CDH4: variants seen among roughly 807,000 people sequenced by gnomAD.
The protein encoded by CDH4 is cadherin-4.
In CDH4, 33 loss-of-function variants were observed where a neutral mutation model predicts 86.0. That is an observed-to-expected ratio of 0.38 (90% CI 0.29 to 0.51). The LOEUF is 0.51. Ranked by LOEUF, CDH4 falls within the 20% of genes least tolerant of loss-of-function variation. CDH4 has a pLI of 0.86. For synonymous variants in CDH4, 555 were observed against 549.4 expected (o/e 1.01, Z -0.14); for missense variants, 1,114 against 1,307.4 (o/e 0.85, Z 2.28).
At chr20:61,402,135 C>T (rs1384225411) in intron 2 of CDH4, among the ~76,000 whole-genome samples, 2 of 152,170 alleles carry the variant, frequency 1.3e-5, no homozygotes, top group African/African-American at 2.4e-5. Flanking sequence ...AAAGCATATA[C>T]AGCCATCTCT....
chr20:61,505,490 G>C (rs1397272688), intron 2 of CDH4, among the ~76,000 whole-genome samples: 1 of 152,218 alleles, frequency 6.6e-6, no homozygotes, highest in Non-Finnish European at 1.5e-5. Flanking sequence ...TAGCACTGCA[G>C]ATGGAGGAGG....
chr20:61,877,637 C>T (rs73145116), intron 7 of CDH4, among the ~76,000 whole-genome samples: 16,489 of 152,150 alleles, frequency 0.11, 1,108 homozygotes, highest in South Asian at 0.17. Context: ...CTTCCTCTTC[C>T]AGGGCTCGTC....
At chr20:61,514,798 T>A (rs1419493434) in intron 2 of CDH4, among the ~76,000 whole-genome samples, 1 of 152,240 alleles carries the variant, frequency 6.6e-6, no homozygotes, top group Non-Finnish European at 1.5e-5. Flanking sequence ...GGCCTCGATA[T>A]TCATTGTCTC....
In CDH4 at chr20:61,357,064, C is replaced by T. The variant is rs550914836; in HGVS notation, c.169+102127C>T. Among the ~76,000 whole-genome samples, 27 of 152,196 alleles carry T rather than the reference C, an allele frequency of 1.8e-4. No individual in the cohort carries two copies. The South Asian group carries it at 1.9e-3, about 11-fold the overall frequency. ...TGACCTTCTCCCCCTCACTGAGATGCGGGGTGCCAGGTTAACATGTGCCCC... is the reference window on the plus strand; with the variant it reads ...TGACCTTCTCCCCCTCACTGAGATGTGGGGTGCCAGGTTAACATGTGCCCC... On this transcript the variant is annotated intron_variant, in intron 2 of 15. Transcript: ENST00000614565.
At position 61,929,774 on chromosome 20, in the gene CDH4, C is replaced by T. The variant is rs779589616; in HGVS notation, c.2171C>T (p.Ala724Val). 1.9e-6 allele frequency: 3 copies of T among 1,614,054 alleles called. No homozygotes were observed. The highest frequency in any genetic ancestry group is 2.5e-6 in the Non-Finnish European group (3 of 1,180,056). The change falls in exon 13 of 16, where the codon GCA (alanine) becomes GTA (valine). Residue 724 changes from alanine (A) to valine (V), a missense_variant. Coordinates refer to ENST00000614565, the MANE Select transcript of CDH4 (RefSeq NM_001794.5). ...AACGGGGACTGCACCACCATTGGCGCAGTGGCAGCGGCTGGTCTGGGCACC... is the reference window on the plus strand; with the variant it reads ...AACGGGGACTGCACCACCATTGGCGTAGTGGCAGCGGCTGGTCTGGGCACC... ...DDNGDCTTIGAVAAAGLGTGA... is the reference protein window; with the variant it reads ...DDNGDCTTIGVVAAAGLGTGA...
intron 2 of CDH4, among the ~76,000 whole-genome samples, chr20:61,423,675 G>A (rs553392090): frequency 6.2e-5 from 4 of 64,376 alleles, no homozygotes; most frequent in Admixed American, 3.6e-4. Context: ...AGGTACGTTC[G>A]TCATTTTTTT....
chr20:61,825,491 T>C lies in CDH4; in HGVS notation c.577-19177T>C, dbSNP rs180989969. Reference sequence around the variant, plus strand: ...CCAACACCAAGCTCACTCCTAAGAATGTTACTGAGCCCTGACGAAGGACAA... The same window carrying C: ...CCAACACCAAGCTCACTCCTAAGAACGTTACTGAGCCCTGACGAAGGACAA... On this transcript the variant is annotated intron_variant, in intron 4 of 15. Coordinates refer to ENST00000614565, the MANE Select transcript of CDH4 (RefSeq NM_001794.5). Among the ~76,000 whole-genome samples, 256 of 152,308 alleles carry C rather than the reference T, an allele frequency of 1.7e-3. 1 individual carries two copies. Among genetic ancestry groups the C allele is most frequent in the Non-Finnish European group, 2.3e-3 (159 of 68,022 alleles).
chr20:61,721,453 G>GA (rs986910056), intron 2 of CDH4, among the ~76,000 whole-genome samples: 8 of 151,900 alleles, frequency 5.3e-5, no homozygotes, highest in Non-Finnish European at 2.9e-5. Flanking sequence ...TAAATCATCA[G>GA]AAAAAAAATC....
intron 5 of CDH4, among the ~76,000 whole-genome samples, chr20:61,850,420 A>G (rs927208977): frequency 6.6e-6 from 1 of 152,140 alleles, no homozygotes; most frequent in Non-Finnish European, 1.5e-5. Context: ...ACCCTCATGG[A>G]CTGTTCCCAG....
intron 2 of CDH4, among the ~76,000 whole-genome samples, chr20:61,715,899 C>T (rs1437527417): frequency 6.6e-6 from 1 of 152,204 alleles, no homozygotes; most frequent in African/African-American, 2.4e-5. Context: ...ATTGGAGAGC[C>T]CCTGCGATTG....
At chr20:61,894,425 G>C (rs1025124732) in intron 7 of CDH4, among the ~76,000 whole-genome samples, 1 of 152,178 alleles carries the variant, frequency 6.6e-6, no homozygotes, top group Non-Finnish European at 1.5e-5. Flanking sequence ...GAAGGGAAAG[G>C]GTTTGTCTTT....
intron 2 of CDH4, among the ~76,000 whole-genome samples, chr20:61,439,159 G>A (rs2085301183): frequency 6.6e-6 from 1 of 152,044 alleles, no homozygotes; most frequent in Non-Finnish European, 1.5e-5. Flanking sequence ...AACAATCTTG[G>A]TGCTTGAAGT....
chr20:61,574,496 C>G (rs114693272), intron 2 of CDH4, among the ~76,000 whole-genome samples: 3 of 152,238 alleles, frequency 2.0e-5, no homozygotes, highest in East Asian at 1.9e-4. Context: ...CCCCCACCCC[C>G]CTTTCTCCTT....
At chr20:61,766,732 G>C (rs568791450) in intron 3 of CDH4, among the ~76,000 whole-genome samples, 2 of 152,174 alleles carry the variant, frequency 1.3e-5, no homozygotes, top group South Asian at 2.1e-4. Flanking sequence ...GGTGGTGTCT[G>C]CCTGGTTTCT....
intron 4 of CDH4, among the ~76,000 whole-genome samples, chr20:61,813,921 C>A (rs1980573161): frequency 6.6e-6 from 1 of 152,178 alleles, no homozygotes; most frequent in African/African-American, 2.4e-5. Flanking sequence ...GAGGCCCTGG[C>A]CCACCTTGCT....
intron 2 of CDH4, among the ~76,000 whole-genome samples, chr20:61,418,463 A>G (rs6121818): frequency 0.02 from 3,034 of 152,204 alleles, 93 homozygotes; most frequent in African/African-American, 0.067. Context: ...TGCCCGCCTC[A>G]GCCTCCCAAA....
At chr20:61,351,786 G>A (rs778303684) in intron 2 of CDH4, among the ~76,000 whole-genome samples, 6 of 151,372 alleles carry the variant, frequency 4.0e-5, no homozygotes, top group East Asian at 1.9e-4. Flanking sequence ...GCGCAATCTC[G>A]GCTCACTGCA....
chr20:61,498,074 G>A (rs2145596441), intron 2 of CDH4, among the ~76,000 whole-genome samples: 1 of 116,394 alleles, frequency 8.6e-6, no homozygotes, highest in East Asian at 3.0e-4. Context: ...GGGGGAGGGG[G>A]GAGGGATAGC....
rs569245888 is a variant in CDH4, at chr20:61,883,080, G to A, written c.1050+9180G>A. ...TCACCCAGAAATGAGAAATGAACCCGGCCCCATTCCCCCGGCACCCCAAGC... is the reference window on the plus strand; with the variant it reads ...TCACCCAGAAATGAGAAATGAACCCAGCCCCATTCCCCCGGCACCCCAAGC... On this transcript the variant is annotated intron_variant, in intron 7 of 15. Coordinates refer to ENST00000614565, the MANE Select transcript of CDH4 (RefSeq NM_001794.5). Among the ~76,000 whole-genome samples the A allele has an allele frequency of 1.1e-3, 172 of 151,974 alleles. 1 individual carries two copies. Among genetic ancestry groups the A allele is most frequent in the African/African-American group, 3.9e-3 (162 of 41,470 alleles).
Sources: allele counts gnomAD v4.1 joint callset (sites outside exome capture counted in the v4.1 genomes callset), GRCh38; gene constraint gnomAD v4.1.1; transcripts MANE v1.5; gene names NCBI Gene and HGNC (gene_info 2026-07-23, HGNC 2026-07-21).